PKNOX1: variants seen among roughly 807,000 people sequenced by gnomAD.
PKNOX1 encodes the protein PBX/knotted 1 homeobox 1, also known as homeobox protein PKNOX1.
PKNOX1 carries 15 observed loss-of-function variants against 51.9 expected under a neutral mutation model. The observed-to-expected ratio is 0.29, with a 90% CI of 0.19 to 0.45. PKNOX1 has a LOEUF of 0.45. Among genes scored for constraint, PKNOX1 ranks in the 20% least tolerant of loss-of-function variants. The pLI, the probability that PKNOX1 is intolerant of heterozygous loss-of-function variation, is 1.00. For synonymous variants in PKNOX1, 219 were observed against 211.1 expected, an observed-to-expected ratio of 1.04 and a Z score of -0.32; for missense variants, 462 against 547.5, an observed-to-expected ratio of 0.84 and a Z score of 1.56.
chr21:43,028,973 T>G (rs773296294), intron 10 of PKNOX1, 99 bp downstream of exon 10: 1 of 1,273,698 alleles, frequency 7.9e-7, no homozygotes, highest in Admixed American at 1.8e-5. Context: ...CCTCAGGTAA[T>G]GTGGTGAACG....
In PKNOX1 at chr21:42,982,820, T is replaced by C. The variant is rs73370209; in HGVS notation, c.-57+8156T>C. Among the ~76,000 whole-genome samples, 631 of 152,076 alleles carry C rather than the reference T, an allele frequency of 4.1e-3. 4 individuals are homozygous for C. The highest frequency in any genetic ancestry group is 0.014 in the African/African-American group (593 of 41,488). ...TTACGTATTTGAGCATACTTTTTTT[T>C]CCCCCACGAAACAGGGGCTTGCTCT... On this transcript the variant is annotated intron_variant, in intron 1 of 10. Coordinates refer to ENST00000291547, the MANE Select transcript of PKNOX1 (RefSeq NM_004571.5).
intron 1 of PKNOX1, among the ~76,000 whole-genome samples, chr21:42,976,104 A>G (rs2058996078): frequency 1.3e-5 from 2 of 152,214 alleles, no homozygotes; most frequent in Non-Finnish European, 2.9e-5. Context: ...CGTACCTCAG[A>G]TAATTCGAGT....
rs546848179 is a variant in PKNOX1 at position 43,000,936 on chromosome 21, T to TA, written c.-56-3389dup. 5.3e-5 allele frequency among the ~76,000 whole-genome samples: 8 copies of TA among 152,254 alleles called. No homozygotes were observed. In the South Asian group the frequency reaches 6.2e-4, roughly 12 times the overall value. On this transcript the variant is annotated intron_variant, in intron 1 of 10. Transcript: ENST00000291547. ...GAGAATGGACTGGAAGAGGGAAGAC[T>TA]AGAGGCTCATACAACCAGGTAGGAG...
At chr21:43,018,552 T>C (rs537841299) in intron 7 of PKNOX1, among the ~76,000 whole-genome samples, 3 of 133,348 alleles carry the variant, frequency 2.2e-5, no homozygotes, top group African/African-American at 5.7e-5. Context: ...CGTTGGATCA[T>C]GTGCACGTGC....
At chr21:43,024,824 C>G in intron 8 of PKNOX1, 47 bp from the exon 9 acceptor site, 1 of 1,237,076 alleles carries the variant, frequency 8.1e-7, no homozygotes, top group Non-Finnish European at 1.2e-6. Context: ...GTCTTGATTT[C>G]CTTTGTAAAC....
intron 1 of PKNOX1, among the ~76,000 whole-genome samples, chr21:42,998,610 T>G (rs921173085): frequency 6.6e-6 from 1 of 152,084 alleles, no homozygotes; most frequent in Non-Finnish European, 1.5e-5. Context: ...AGGCATTGGG[T>G]AAATACAGCC....
rs953934633 is a variant in PKNOX1, at chr21:43,004,901, C to T, written c.51+469C>T. Among the ~76,000 whole-genome samples, 9 of 152,300 alleles carry T rather than the reference C, an allele frequency of 5.9e-5. No individual in the cohort carries two copies. The South Asian group carries it at 1.2e-3, about 21-fold the overall frequency. ...CAGTGCTCTATCTTTGTACCTTGCT[C>T]GTGCTTGGATGGTTGTGCCATACAC... On this transcript the variant is annotated intron_variant, in intron 2 of 10. Transcript: ENST00000291547.
rs1568907887 is a variant in PKNOX1 at position 43,030,611 on chromosome 21, T to G, written c.*510T>G. On this transcript the variant is annotated 3_prime_UTR_variant, in exon 11 of 11. Coordinates refer to ENST00000291547, the MANE Select transcript of PKNOX1 (RefSeq NM_004571.5). ...GGATGGACGGCAAGCTTAGCAAGCC[T>G]AAGTCCCCTCATGTTCAGTGAGCCT... The G allele has an allele frequency of 6.5e-6, 1 of 152,744 alleles. No homozygotes were observed. The highest frequency in any genetic ancestry group is 1.5e-5 in the Non-Finnish European group (1 of 68,108). 9.5% of individuals were successfully genotyped at this position (152,744 alleles called of 1,614,324 possible). A position where few individuals can be genotyped will look rare whatever the true frequency, so the allele number is the denominator to read the frequency against.
chr21:42,982,314 C>T (rs1188385529), intron 1 of PKNOX1, among the ~76,000 whole-genome samples: 1 of 152,186 alleles, frequency 6.6e-6, no homozygotes, highest in Non-Finnish European at 1.5e-5. Context: ...ACTATGATCA[C>T]AGTTTCCAGA....
chr21:42,997,095 G>C (rs1179701909), intron 1 of PKNOX1, among the ~76,000 whole-genome samples: 1 of 152,072 alleles, frequency 6.6e-6, no homozygotes, highest in Non-Finnish European at 1.5e-5. Context: ...TGGTCAGGCT[G>C]GTTTCGAATT....
rs1444555344 is a variant in PKNOX1 at position 43,020,821 on chromosome 21, C to T, written c.721-482C>T. Among the ~76,000 whole-genome samples the T allele has an allele frequency of 2.0e-5, 3 of 152,220 alleles. No individual in the cohort carries two copies. The East Asian group carries it at 5.8e-4, about 29-fold the overall frequency. Reference sequence around the variant, plus strand: ...CAGGTGGTGGGTGAGAGGACCACGGCATTCCTGCCTGCAGAGGATGGGCTC... The same window carrying T: ...CAGGTGGTGGGTGAGAGGACCACGGTATTCCTGCCTGCAGAGGATGGGCTC... On this transcript the variant is annotated intron_variant, in intron 7 of 10. Transcript: ENST00000291547.
At chr21:43,015,728 C>T (rs1568900682) in intron 5 of PKNOX1, among the ~76,000 whole-genome samples, 1 of 151,996 alleles carries the variant, frequency 6.6e-6, no homozygotes, top group Non-Finnish European at 1.5e-5. Context: ...TAGAGTTGGT[C>T]TAGTATTCTC....
At chr21:43,004,541 T>C (rs1437809382) in intron 2 of PKNOX1, 109 bp downstream of exon 2, 34 of 785,442 alleles carry the variant, frequency 4.3e-5, no homozygotes, top group Non-Finnish European at 6.9e-5. Context: ...GCATGCTCAG[T>C]GTTAGTGTAT....
At chr21:43,018,451 C>T (rs989659219) in intron 7 of PKNOX1, among the ~76,000 whole-genome samples, 2 of 101,116 alleles carry the variant, frequency 2.0e-5, no homozygotes, top group Non-Finnish European at 3.9e-5. Flanking sequence ...GGAAAAAAGT[C>T]ACTCATAACC....
intron 9 of PKNOX1, among the ~76,000 whole-genome samples, chr21:43,028,179 G>A (rs1980064675): frequency 6.6e-6 from 1 of 152,218 alleles, no homozygotes; most frequent in Non-Finnish European, 1.5e-5. Context: ...CTTAGATCGT[G>A]CTTTGTGGTG....
In PKNOX1 at chr21:43,018,469, GCCAC is replaced by G. The variant is rs1218112068; in HGVS notation, c.720+244_720+247del. ...AAAAAGTCACTCATAACCACCCCCTGCCACCCACACACACACACACACACACACA... is the reference window on the plus strand; with the variant it reads ...AAAAAGTCACTCATAACCACCCCCTGCCACACACACACACACACACACACA... On this transcript the variant is annotated intron_variant, in intron 7 of 10. Coordinates refer to ENST00000291547, the MANE Select transcript of PKNOX1 (RefSeq NM_004571.5). 9.0e-4 allele frequency among the ~76,000 whole-genome samples: 10 copies of G among 11,060 alleles called. 5 individuals are homozygous for G. Among genetic ancestry groups the G allele is most frequent in the Non-Finnish European group, 1.9e-3 (10 of 5,276 alleles). 7.3% of individuals were successfully genotyped at this position (11,060 alleles called of 152,430 possible).
intron 1 of PKNOX1, 77 bp from the exon 2 acceptor site, chr21:43,004,249 A>G: frequency 3.2e-6 from 2 of 625,932 alleles, no homozygotes; most frequent in Middle Eastern, 2.7e-4. Flanking sequence ...AAAAAAAAAA[A>G]TTTGATGTTA....
chr21:42,997,024 G>T (rs1324361561), intron 1 of PKNOX1, among the ~76,000 whole-genome samples: 1 of 151,924 alleles, frequency 6.6e-6, no homozygotes, highest in Non-Finnish European at 1.5e-5. Context: ...GGGACTATAG[G>T]CATGTGCCAC....
intron 5 of PKNOX1, among the ~76,000 whole-genome samples, chr21:43,016,524 G>C (rs995300882): frequency 2.0e-5 from 3 of 152,158 alleles, no homozygotes; most frequent in Admixed American, 2.0e-4. Context: ...TATCGGTCAG[G>C]GAGAGCTTGG....
Sources: gnomAD v4.1 joint callset for allele counts (sites outside exome capture counted in the v4.1 genomes callset) on GRCh38, gnomAD v4.1.1 for gene constraint, MANE v1.5 for transcripts, NCBI Gene and HGNC (gene_info 2026-07-23, HGNC 2026-07-21) for gene names.